The following PCDHA12 variants were observed in gnomAD, a reference collection of about 807,000 sequenced individuals.
The protein encoded by PCDHA12 is protocadherin alpha 12, also known as protocadherin alpha-12.
In PCDHA12, 44 loss-of-function variants were observed where a neutral mutation model predicts 60.0. That is an observed-to-expected ratio of 0.73 (90% CI 0.58 to 0.94). PCDHA12 has a LOEUF of 0.94. PCDHA12 is among the 40% of genes least tolerant of loss of function. The pLI, the probability that PCDHA12 is intolerant of heterozygous loss-of-function variation, is 0.00. For missense variants in PCDHA12, 1,276 were observed against 1,239.7 expected, an observed-to-expected ratio of 1.03 and a Z score of -0.44; for synonymous variants, 569 against 553.0, an observed-to-expected ratio of 1.03 and a Z score of -0.40.
intron 1 of PCDHA12, among the ~76,000 whole-genome samples, chr5:140,955,016 T>C (rs1389069329): frequency 6.6e-6 from 1 of 152,226 alleles, no homozygotes; most frequent in Admixed American, 6.5e-5. Context: ...CCCAGCACCA[T>C]TTATTAAATA....
intron 1 of PCDHA12, among the ~76,000 whole-genome samples, chr5:140,889,476 C>G (rs2062241146): frequency 6.6e-6 from 1 of 152,054 alleles, no homozygotes; most frequent in South Asian, 2.1e-4. Flanking sequence ...TATGCTCATA[C>G]TTTCTACAGA....
At chr5:140,971,435 T>A (rs1188604248) in intron 1 of PCDHA12, among the ~76,000 whole-genome samples, 1 of 152,190 alleles carries the variant, frequency 6.6e-6, no homozygotes, top group Non-Finnish European at 1.5e-5. Flanking sequence ...AACCCCAAGA[T>A]CTACAGCTCC....
chr5:140,893,388 CATG>C (rs2063965035), intron 1 of PCDHA12, among the ~76,000 whole-genome samples: 1 of 152,132 alleles, frequency 6.6e-6, no homozygotes, highest in South Asian at 2.1e-4. Context: ...GACAGTGGCT[CATG>C]CCTGTAATCC....
At chr5:140,904,412 A>C (rs1554191488) in intron 1 of PCDHA12, among the ~76,000 whole-genome samples, 2 of 150,986 alleles carry the variant, frequency 1.3e-5, no homozygotes, top group Non-Finnish European at 2.9e-5. Context: ...TATATATATA[A>C]TACATATATT....
chr5:140,908,778 C>G (rs1452710808), intron 1 of PCDHA12, among the ~76,000 whole-genome samples: 1 of 152,184 alleles, frequency 6.6e-6, no homozygotes, highest in Non-Finnish European at 1.5e-5. Flanking sequence ...GTAGAGTCTT[C>G]TCCTGTTCTG....
intron 1 of PCDHA12, among the ~76,000 whole-genome samples, chr5:140,941,191 T>TTTTC (rs1217097209): frequency 2.1e-5 from 2 of 93,206 alleles, no homozygotes; most frequent in African/African-American, 7.9e-5. Flanking sequence ...GCTTCTTTTT[T>TTTTC]TTTCTTTCTT....
In PCDHA12 at chr5:140,875,378, T is replaced by G; in HGVS notation, c.-95T>G. ...GATGCTGGAAAAAATTTACTAAATATGTACTTACAGAAAAGGGTGACTGCT... is the reference window on the plus strand; with the variant it reads ...GATGCTGGAAAAAATTTACTAAATAGGTACTTACAGAAAAGGGTGACTGCT... On this transcript the variant is annotated 5_prime_UTR_variant, in exon 1 of 4. It removes an upstream start codon present in the reference 5' UTR. Coordinates refer to ENST00000398631, the MANE Select transcript of PCDHA12 (RefSeq NM_018903.4). 6.9e-7 allele frequency: 1 copy of G among 1,458,602 alleles called. No individual in the cohort carries two copies. Among genetic ancestry groups the G allele is most frequent in the Non-Finnish European group, 9.0e-7 (1 of 1,105,850 alleles). 90.4% of individuals were successfully genotyped at this position (1,458,602 alleles called of 1,614,324 possible).
At chr5:140,900,957 A>C (rs1264192105) in intron 1 of PCDHA12, among the ~76,000 whole-genome samples, 1 of 152,206 alleles carries the variant, frequency 6.6e-6, no homozygotes, top group African/African-American at 2.4e-5. Flanking sequence ...TCTGATTATC[A>C]GTGATGTTGA....
intron 1 of PCDHA12, among the ~76,000 whole-genome samples, chr5:140,931,965 CAT>C (rs1195736359): frequency 6.6e-6 from 1 of 151,852 alleles, no homozygotes; most frequent in African/African-American, 2.4e-5. Context: ...CATGTTGATG[CAT>C]ATGTGTTTAT....
chr5:140,906,337 C>A (rs2072574983), intron 1 of PCDHA12, among the ~76,000 whole-genome samples: 1 of 152,192 alleles, frequency 6.6e-6, no homozygotes, highest in Non-Finnish European at 1.5e-5. Flanking sequence ...ATCCTTCATA[C>A]AACCAAGAAT....
At chr5:140,906,092 A>G (rs985090106) in intron 1 of PCDHA12, among the ~76,000 whole-genome samples, 2 of 152,140 alleles carry the variant, frequency 1.3e-5, no homozygotes, top group Non-Finnish European at 2.9e-5. Context: ...GACTGAGAGT[A>G]AGTGTGTCTT....
chr5:140,999,217 A>G (rs2097851437), intron 3 of PCDHA12, among the ~76,000 whole-genome samples: 1 of 152,232 alleles, frequency 6.6e-6, no homozygotes, highest in Non-Finnish European at 1.5e-5. Context: ...TGGAAGTACT[A>G]CATTTGAGAA....
intron 3 of PCDHA12, among the ~76,000 whole-genome samples, chr5:141,005,494 G>A (rs1554260099): frequency 2.0e-5 from 3 of 151,700 alleles, no homozygotes; most frequent in Non-Finnish European, 2.9e-5. Flanking sequence ...ATGAGGTCAG[G>A]AGATCGAGAC....
At chr5:140,942,731 T>C (rs1404765148) in intron 1 of PCDHA12, among the ~76,000 whole-genome samples, 4 of 152,052 alleles carry the variant, frequency 2.6e-5, no homozygotes, top group Non-Finnish European at 5.9e-5. Flanking sequence ...TGTTGAAAAA[T>C]ATTTTAAAAT....
At chr5:140,985,531 C>T (rs542453995) in intron 3 of PCDHA12, among the ~76,000 whole-genome samples, 102 of 152,254 alleles carry the variant, frequency 6.7e-4, no homozygotes, top group African/African-American at 1.9e-3. Context: ...TAAAGCTTCA[C>T]GGTGAAGATG....
At position 140,909,620 on chromosome 5, in the gene PCDHA12, A is replaced by G. The variant is rs576090849; in HGVS notation, c.2367+31781A>G. On this transcript the variant is annotated intron_variant, in intron 1 of 3. Transcript: ENST00000398631. Reference sequence around the variant, plus strand: ...ATTTTTCTAGGTAGAGGCAGCTCTAATTGGTCTTCCTATTTTGTCTTTTCC... The same window carrying G: ...ATTTTTCTAGGTAGAGGCAGCTCTAGTTGGTCTTCCTATTTTGTCTTTTCC... Among the ~76,000 whole-genome samples the G allele has an allele frequency of 3.8e-4, 58 of 152,240 alleles. 2 individuals carry two copies. The Middle Eastern group carries it at 0.01, about 27-fold the overall frequency.
rs782026939 is a variant in PCDHA12, at chr5:140,883,016, A to T, written c.2367+5177A>T. 6.8e-6 allele frequency: 11 copies of T among 1,614,158 alleles called. No individual in the cohort carries two copies. The Admixed American group carries it at 1.7e-4, about 24-fold the overall frequency. On this transcript the variant is annotated intron_variant, in intron 1 of 3. Coordinates refer to ENST00000398631, the MANE Select transcript of PCDHA12 (RefSeq NM_018903.4). ...ATTTTACCAATCCGTTTATAAAGTG[A>T]CGGTGTTAGAGAACGCCTTCAATGG...
chr5:140,984,413 C>A lies in PCDHA12; in HGVS notation c.2515+1850C>A, dbSNP rs75063168. Among the ~76,000 whole-genome samples, 1,502 of 152,262 alleles carry A rather than the reference C, an allele frequency of 9.9e-3. 20 individuals carry two copies. Among genetic ancestry groups the A allele is most frequent in the African/African-American group, 0.035 (1,434 of 41,536 alleles). On this transcript the variant is annotated intron_variant, in intron 3 of 3. Transcript: ENST00000398631. ...AAATGTTGAGAACCTATCTTTTTTA[C>A]AGAGATAGAGAAGGGGATCTCCCTT...
chr5:140,884,606 C>T (rs1554181776), intron 1 of PCDHA12: 1 of 1,614,038 alleles, frequency 6.2e-7, no homozygotes, highest in African/African-American at 1.3e-5. Flanking sequence ...TCCTCCTTGT[C>T]TGGGTTCTGC....
Sources: allele counts gnomAD v4.1 joint callset (sites outside exome capture counted in the v4.1 genomes callset), GRCh38; gene constraint gnomAD v4.1.1; transcripts MANE v1.5; gene names NCBI Gene and HGNC (gene_info 2026-07-23, HGNC 2026-07-21).